The following BRF1 variants were observed in gnomAD, a reference collection of about 807,000 sequenced individuals.
BRF1 encodes BRF1 general transcription factor IIIB subunit, also known as transcription factor IIIB 90 kDa subunit.
Under a neutral mutation model 81.7 loss-of-function variants are expected in BRF1, and 59 were observed. The ratio of observed to expected loss-of-function variants is 0.72; its 90% CI spans 0.59 to 0.90. The LOEUF (loss-of-function observed/expected upper bound fraction) is 0.90. Among genes scored for constraint, BRF1 ranks in the 40% least tolerant of loss-of-function variants. BRF1 has a pLI of 0.00. For missense variants in BRF1, 1,050 were observed against 936.3 expected (o/e 1.12, Z -1.58); for synonymous variants, 491 against 395.6 (o/e 1.24, Z -2.86).
At chr14:105,262,060 T>A (rs1362518886) in intron 3 of BRF1, among the ~76,000 whole-genome samples, 1 of 152,182 alleles carries the variant, frequency 6.6e-6, no homozygotes, top group African/African-American at 2.4e-5. Context: ...GGCAAGGCCC[T>A]GGCAGCACTC....
At chr14:105,250,380 T>C in intron 5 of BRF1, 4 of 1,613,838 alleles carry the variant, frequency 2.5e-6, no homozygotes, top group Non-Finnish European at 3.4e-6. Flanking sequence ...AGCGTGAAGA[T>C]TGAGCTCAAG....
intron 5 of BRF1, chr14:105,250,844 G>A (rs752372180): frequency 8.5e-6 from 6 of 707,786 alleles, no homozygotes; most frequent in South Asian, 1.9e-5. Flanking sequence ...CCCAGGGATT[G>A]GAGTCTTAGG....
chr14:105,219,196 C>A lies in BRF1; in HGVS notation c.1414G>T (p.Glu472Ter). The A allele has an allele frequency of 6.2e-7, 1 of 1,612,690 alleles. No homozygotes were observed. The highest frequency in any genetic ancestry group is 8.5e-7 in the Non-Finnish European group (1 of 1,179,040). Residue 472 changes from glutamate (E) to a stop codon, truncating the protein, a stop_gained, in exon 13 of 18, where the codon GAG becomes TAG. Transcript: ENST00000547530. LOFTEE classifies it high-confidence loss of function. ...LNESEARVKAELWMRENAEYL... is the reference protein window; with the variant it reads ...LNESEARVKA ...TCGGCGTTCTCCCTCATCCACAGCT[C>A]GGCCTTCACGCGGGCTTCCGACTCA...
intron 6 of BRF1, 86 bp downstream of exon 6, chr14:105,241,179 G>T: frequency 1.3e-6 from 2 of 1,560,620 alleles, no homozygotes; most frequent in Non-Finnish European, 1.7e-6. Flanking sequence ...CAAACATACG[G>T]CCCAGCCCAC....
chr14:105,227,800 G>C (rs587693150), intron 7 of BRF1: 4 of 152,332 alleles, frequency 2.6e-5, no homozygotes, highest in African/African-American at 9.6e-5. Context: ...TTTTTTTACA[G>C]AATCAATGGT....
intron 1 of BRF1, among the ~76,000 whole-genome samples, chr14:105,308,748 T>C (rs2058264111): frequency 6.6e-6 from 1 of 152,022 alleles, no homozygotes; most frequent in Non-Finnish European, 1.5e-5. Flanking sequence ...CCCAAAGTGC[T>C]GGGATTACAG....
chr14:105,249,249 T>C, intron 5 of BRF1: 1 of 1,572,670 alleles, frequency 6.4e-7, no homozygotes, highest in Non-Finnish European at 8.6e-7. Flanking sequence ...GCCCACAAGG[T>C]GGGTAGCGGC....
chr14:105,300,702 C>CGCCGCCCGCCCAGGCCCA lies in BRF1; in HGVS notation c.-91_-74dup, dbSNP rs1423657115. On this transcript the variant is annotated 5_prime_UTR_variant, in exon 1 of 18. Transcript: ENST00000547530. The stretch of plus-strand genomic sequence containing the variant: ...CCACCCGAGCCTCCGGAGCAGCCCG[C>CGCCGCCCGCCCAGGCCCA]GCCGCCCGCCCAGGCCCAGCCGCCC... 14 of 1,176,000 alleles carry CGCCGCCCGCCCAGGCCCA rather than the reference C, an allele frequency of 1.2e-5. No homozygotes were observed. The highest frequency in any genetic ancestry group is 4.4e-5 in the Admixed American group (1 of 22,800). 72.8% of individuals were successfully genotyped at this position (1,176,000 alleles called of 1,614,324 possible).
intron 10 of BRF1, among the ~76,000 whole-genome samples, chr14:105,224,504 C>T (rs971922232): frequency 3.9e-5 from 6 of 152,222 alleles, no homozygotes; most frequent in African/African-American, 1.2e-4. Flanking sequence ...CTGCTTCTTC[C>T]TTTAAGGTTG....
intron 2 of BRF1, among the ~76,000 whole-genome samples, chr14:105,275,841 G>A (rs1335518585): frequency 6.6e-6 from 1 of 152,278 alleles, no homozygotes. Flanking sequence ...CTAATGATGA[G>A]CTCAGTGCCC....
chr14:105,229,133 A>G (rs112118329), intron 6 of BRF1, among the ~76,000 whole-genome samples: 78 of 152,350 alleles, frequency 5.1e-4, no homozygotes, highest in African/African-American at 1.8e-3. Context: ...CCATTTTCAA[A>G]TCAAGGAAAA....
Position 105,219,072 on chromosome 14 carries a change from G to A in BRF1, c.1460-19C>T, listed in dbSNP as rs762948281. 9.9e-6 allele frequency: 16 copies of A among 1,613,920 alleles called. No individual in the cohort carries two copies. Among genetic ancestry groups the A allele is most frequent in the Non-Finnish European group, 1.2e-5 (14 of 1,179,998 alleles). On this transcript the variant is annotated intron_variant, in intron 13 of 17. Transcript: ENST00000547530. ...TCTTTTTCTAAAAGTTCAGAAAGGG[G>A]GCCAGCGTCACTGAGGGCCCACGCC...
intron 2 of BRF1, among the ~76,000 whole-genome samples, chr14:105,278,564 C>T (rs1344029606): frequency 6.6e-6 from 1 of 152,040 alleles, no homozygotes; most frequent in Non-Finnish European, 1.5e-5. Flanking sequence ...GAACAAGTCA[C>T]AAACAGCCCT....
chr14:105,249,328 GC>G (rs1566834416), intron 5 of BRF1: 2 of 1,600,204 alleles, frequency 1.2e-6, no homozygotes, highest in South Asian at 1.1e-5. Context: ...CTGCGGGAGA[GC>G]CAGGCTCACG....
chr14:105,226,369 C>G, intron 8 of BRF1, 79 bp from the exon 9 acceptor site: 1 of 1,581,498 alleles, frequency 6.3e-7, no homozygotes, highest in East Asian at 2.2e-5. Context: ...CGCGTGGGCC[C>G]CAGGGACCAC....
At chr14:105,291,776 T>A (rs1204725937) in intron 1 of BRF1, among the ~76,000 whole-genome samples, 1 of 151,674 alleles carries the variant, frequency 6.6e-6, no homozygotes, top group Non-Finnish European at 1.5e-5. Flanking sequence ...GGCGGGTGGA[T>A]CACCTGAGGT....
chr14:105,284,699 C>G lies in BRF1; in HGVS notation c.265+1597G>C, dbSNP rs2140468040. ...ATCCCTGCCTGGACTGACCCACGGC[C>G]AACCCACACTCAATGGTGAAGACTG... On this transcript the variant is annotated intron_variant, in intron 2 of 17. Coordinates refer to ENST00000547530, the MANE Select transcript of BRF1 (RefSeq NM_001519.4). This position sits in a 1 kb window ranked among gnomAD's most constrained non-coding sequence, Gnocchi z 4.0. 6.6e-6 allele frequency among the ~76,000 whole-genome samples: 1 copy of G among 152,278 alleles called. No individual in the cohort carries two copies. Among genetic ancestry groups the G allele is most frequent in the Admixed American group, 6.5e-5 (1 of 15,292 alleles).
intron 1 of BRF1, among the ~76,000 whole-genome samples, chr14:105,293,944 A>G (rs1407806708): frequency 6.6e-6 from 1 of 152,216 alleles, no homozygotes; most frequent in Non-Finnish European, 1.5e-5. Context: ...GGACTAGAAA[A>G]CGACAGCTCA....
rs371179600 is a variant in BRF1 at position 105,241,939 on chromosome 14, C to A, written c.545-525G>T. 1.7e-4 allele frequency: 30 copies of A among 174,914 alleles called. No individual in the cohort carries two copies. The East Asian group carries it at 3.9e-3, about 23-fold the overall frequency. The allele number at this position is 174,914 out of a possible 1,614,324, so 10.8% of individuals were successfully genotyped here. On this transcript the variant is annotated intron_variant, in intron 5 of 17. Transcript: ENST00000547530. Reference sequence around the variant, plus strand: ...CTGGCGCTGTGCACCTCTGCCAGCACGGCACAGTGCCACGGGGGAGTGCCT... The same window carrying A: ...CTGGCGCTGTGCACCTCTGCCAGCAAGGCACAGTGCCACGGGGGAGTGCCT...
Sources: gnomAD v4.1 joint callset for allele counts (sites outside exome capture counted in the v4.1 genomes callset) on GRCh38, gnomAD v4.1.1 for gene constraint, Gnocchi (gnomAD v3.1) non-coding constraint, MANE v1.5 for transcripts, NCBI Gene and HGNC (gene_info 2026-07-23, HGNC 2026-07-21) for gene names.